The following GPC6 variants were observed in gnomAD, a reference collection of about 807,000 sequenced individuals.
GPC6 encodes the protein glypican 6, also known as glypican-6.
GPC6 carries 14 observed loss-of-function variants against 55.2 expected under a neutral mutation model. The observed-to-expected ratio is 0.25, with a 90% CI of 0.17 to 0.40. GPC6 has a LOEUF of 0.40. GPC6 is among the 10% of genes least tolerant of loss of function. The probability of loss-of-function intolerance (pLI) is 1.00; values close to 1 mark genes in which losing one functional copy is unlikely to be tolerated. For missense variants in GPC6, 641 were observed against 708.5 expected (o/e 0.90, Z 1.08); for synonymous variants, 278 against 259.6 (o/e 1.07, Z -0.68).
intron 1 of GPC6, among the ~76,000 whole-genome samples, chr13:93,377,410 A>G (rs934847302): frequency 2.0e-5 from 3 of 152,196 alleles, no homozygotes; most frequent in African/African-American, 7.2e-5. Flanking sequence ...TGTCTTGCAC[A>G]ATCCCCTAGA....
chr13:93,957,549 A>ACTAT (rs1224234314), intron 3 of GPC6, among the ~76,000 whole-genome samples: 1 of 152,212 alleles, frequency 6.6e-6, no homozygotes, highest in Non-Finnish European at 1.5e-5. Flanking sequence ...TGCAAAGGAC[A>ACTAT]CTATCTCATT....
At chr13:93,861,940 G>A (rs1888825936) in intron 3 of GPC6, among the ~76,000 whole-genome samples, 1 of 151,650 alleles carries the variant, frequency 6.6e-6, no homozygotes, top group Admixed American at 6.6e-5. Flanking sequence ...AGTAAGATAA[G>A]GAGACATGCC....
chr13:93,323,121 G>A (rs910866968), intron 1 of GPC6, among the ~76,000 whole-genome samples: 2 of 151,864 alleles, frequency 1.3e-5, no homozygotes, highest in African/African-American at 4.8e-5. Context: ...ATCTGTTTTG[G>A]GGACCATTGG....
upstream of GPC6, among the ~76,000 whole-genome samples, chr13:93,222,254 T>C (rs1296448587): frequency 6.6e-6 from 1 of 152,148 alleles, no homozygotes; most frequent in Non-Finnish European, 1.5e-5. Context: ...TCATCTTTAC[T>C]GTAGAAAACA....
At chr13:93,475,651 G>C (rs1272845968) in intron 1 of GPC6, among the ~76,000 whole-genome samples, 1 of 152,172 alleles carries the variant, frequency 6.6e-6, no homozygotes, top group East Asian at 1.9e-4. Context: ...ATGTTCAAGA[G>C]AGTACTTAGG....
chr13:93,447,086 G>A (rs1878036907), intron 1 of GPC6, among the ~76,000 whole-genome samples: 1 of 152,014 alleles, frequency 6.6e-6, no homozygotes, highest in African/African-American at 2.4e-5. Flanking sequence ...CATTCATTTA[G>A]CCAAATGCAT....
At chr13:93,652,644 T>C (rs1033912702) in intron 2 of GPC6, among the ~76,000 whole-genome samples, 3 of 152,224 alleles carry the variant, frequency 2.0e-5, no homozygotes, top group African/African-American at 7.2e-5. Flanking sequence ...TAGGAGAAAC[T>C]GGGTTTAAAC....
At chr13:93,705,254 G>A (rs1044866779) in intron 2 of GPC6, among the ~76,000 whole-genome samples, 2 of 151,824 alleles carry the variant, frequency 1.3e-5, no homozygotes, top group Non-Finnish European at 2.9e-5. Context: ...GTTTGGTCTC[G>A]ATAAGTGCTG....
intron 1 of GPC6, among the ~76,000 whole-genome samples, chr13:93,296,558 C>G (rs9589706): frequency 6.6e-6 from 1 of 151,992 alleles, no homozygotes; most frequent in African/African-American, 2.4e-5. Context: ...ATGACAAAAG[C>G]CTTCCATATC....
At chr13:93,642,150 C>T (rs188693941) in intron 2 of GPC6, among the ~76,000 whole-genome samples, 168 of 152,166 alleles carry the variant, frequency 1.1e-3, no homozygotes, top group African/African-American at 3.9e-3. Context: ...TTGCCTCCCT[C>T]CTTCTCTAGT....
chr13:93,847,618 A>T (rs913215338), intron 3 of GPC6, among the ~76,000 whole-genome samples: 10 of 152,198 alleles, frequency 6.6e-5, no homozygotes, highest in African/African-American at 2.4e-4. Context: ...ACGGTGTTAC[A>T]CTAAGTAAGT....
At chr13:93,593,487 A>T (rs1238190458) in intron 2 of GPC6, among the ~76,000 whole-genome samples, 1 of 152,140 alleles carries the variant, frequency 6.6e-6, no homozygotes, top group Non-Finnish European at 1.5e-5. Context: ...TCATACTGTA[A>T]TTGAAGGAAA....
chr13:94,237,152 A>G (rs1890903801), intron 4 of GPC6, among the ~76,000 whole-genome samples: 1 of 152,182 alleles, frequency 6.6e-6, no homozygotes, highest in Non-Finnish European at 1.5e-5. Flanking sequence ...GGGGCAGGAC[A>G]AGAAGTGAGC....
chr13:93,887,567 G>A (rs923514608), intron 3 of GPC6, among the ~76,000 whole-genome samples: 2 of 152,082 alleles, frequency 1.3e-5, no homozygotes, highest in Non-Finnish European at 2.9e-5. Context: ...AGTGCAGATA[G>A]CTGCATTGAC....
chr13:94,227,759 G>C (rs1228249995), intron 4 of GPC6, among the ~76,000 whole-genome samples: 1 of 151,842 alleles, frequency 6.6e-6, no homozygotes, highest in African/African-American at 2.4e-5. Context: ...ATCCATGCTG[G>C]CTTTTGCTGA....
At chr13:93,376,776 CTTTT>C (rs58608553) in intron 1 of GPC6, among the ~76,000 whole-genome samples, 5 of 139,750 alleles carry the variant, frequency 3.6e-5, no homozygotes, top group Admixed American at 7.1e-5. Context: ...TTCTTGCTCA[CTTTT>C]TTTTTTTTTT....
At chr13:93,422,674 G>A (rs1439284881) in intron 1 of GPC6, among the ~76,000 whole-genome samples, 1 of 152,136 alleles carries the variant, frequency 6.6e-6, no homozygotes, top group African/African-American at 2.4e-5. Context: ...GGCAGATTTA[G>A]TTGGCAGATT....
chr13:93,742,868 C>T (rs1884256663), intron 2 of GPC6, among the ~76,000 whole-genome samples: 1 of 151,976 alleles, frequency 6.6e-6, no homozygotes, highest in Admixed American at 6.6e-5. Flanking sequence ...TCCAACATTC[C>T]CGTCTGCAGT....
intron 3 of GPC6, among the ~76,000 whole-genome samples, chr13:93,910,839 A>G (rs1876935002): frequency 6.6e-6 from 1 of 152,206 alleles, no homozygotes; most frequent in South Asian, 2.1e-4. Context: ...TTTTCAGGTA[A>G]GACAAGCTCA....
Sources: allele counts gnomAD v4.1 joint callset (sites outside exome capture counted in the v4.1 genomes callset), GRCh38; gene constraint gnomAD v4.1.1; transcripts MANE v1.5; gene names NCBI Gene and HGNC (gene_info 2026-07-23, HGNC 2026-07-21).